Variants in ENTPD5 observed in about 807,000 individuals in gnomAD.
ENTPD5 encodes the protein nucleoside diphosphate phosphatase ENTPD5.
Under a neutral mutation model 60.2 loss-of-function variants are expected in ENTPD5, and 49 were observed. The observed-to-expected ratio is 0.81, with a 90% CI of 0.65 to 1.03. The LOEUF is 1.03. ENTPD5 is among the 50% of genes least tolerant of loss of function. ENTPD5 has a pLI of 0.00. For missense variants in ENTPD5, 480 were observed against 507.6 expected (o/e 0.95, Z 0.52); for synonymous variants, 187 against 185.4 (o/e 1.01, Z -0.07).
chr14:73,960,061 G>A, downstream of ENTPD5: 3 of 1,004,426 alleles, frequency 3.0e-6, no homozygotes, highest in South Asian at 4.2e-5. Flanking sequence ...TGCCTGGGTG[G>A]TGGTTAGCAT....
At chr14:73,977,159 G>C in intron 7 of ENTPD5, 100 bp from the exon 8 acceptor site, 2 of 1,283,884 alleles carry the variant, frequency 1.6e-6, no homozygotes, top group Middle Eastern at 1.9e-4. Flanking sequence ...TCCATGTCTA[G>C]AGCACATGTT....
downstream of ENTPD5, chr14:73,962,744 G>A (rs1257724723): frequency 1.8e-6 from 1 of 557,770 alleles, no homozygotes; most frequent in Non-Finnish European, 3.2e-6. Context: ...TTGAGCCTAG[G>A]AGTTTGAGGC....
rs994880901 is a variant in ENTPD5, at chr14:73,969,894, A to T, written c.1200+116T>A. ...AGCACAGTACCTTGTCCATAGCCCA[A>T]ACAAAAATACCTCATAATTTCACTT... On this transcript the variant is annotated intron_variant, in intron 15 of 15. Coordinates refer to ENST00000334696, the MANE Select transcript of ENTPD5 (RefSeq NM_001249.5). The T allele has an allele frequency of 1.2e-5, 9 of 749,940 alleles. No homozygotes were observed. In the South Asian group the frequency reaches 1.3e-4, roughly 11 times the overall value. The allele number at this position is 749,940 out of a possible 1,614,324, so 46.5% of individuals were successfully genotyped here. A position where few individuals can be genotyped will look rare whatever the true frequency, so the allele number is the denominator to read the frequency against.
chr14:74,004,310 G>A (rs1310344487), intron 3 of ENTPD5, among the ~76,000 whole-genome samples: 4 of 152,010 alleles, frequency 2.6e-5, no homozygotes, highest in Admixed American at 2.6e-4. Context: ...TGGGACTACA[G>A]GCACCCCCCA....
intron 5 of ENTPD5, among the ~76,000 whole-genome samples, chr14:73,985,439 T>C (rs2140612180): frequency 6.6e-6 from 1 of 152,320 alleles, no homozygotes; most frequent in South Asian, 2.1e-4. Flanking sequence ...CCATTCTAAC[T>C]GGTGTGAGAT....
intron 3 of ENTPD5, among the ~76,000 whole-genome samples, chr14:73,990,367 C>T (rs964480309): frequency 4.3e-5 from 6 of 139,162 alleles, no homozygotes; most frequent in Non-Finnish European, 8.3e-5. Flanking sequence ...CAGGGTCTCA[C>T]TCTGTCACCC....
At position 73,972,759 on chromosome 14, in the gene ENTPD5, C is replaced by T. The variant is rs531948876; in HGVS notation, c.1027+125G>A. 1.8e-5 allele frequency: 20 copies of T among 1,127,590 alleles called. No individual in the cohort carries two copies. The East Asian group carries it at 2.4e-4, about 14-fold the overall frequency. 69.8% of individuals were successfully genotyped at this position (1,127,590 alleles called of 1,614,324 possible). On this transcript the variant is annotated intron_variant, in intron 13 of 15. Coordinates refer to ENST00000334696, the MANE Select transcript of ENTPD5 (RefSeq NM_001249.5). ...TCTAAGTCATTTCCACCCTTTTGTT[C>T]GAGTGACTAGAAAAGAGGTGGGTAA...
At chr14:73,976,150 A>G in intron 9 of ENTPD5, 135 bp from the exon 10 acceptor site, 1 of 866,958 alleles carries the variant, frequency 1.2e-6, no homozygotes, top group Non-Finnish European at 1.8e-6. Context: ...AGGCTTGAGG[A>G]AACGAAGGGA....
chr14:73,970,045 C>G lies in ENTPD5; in HGVS notation c.1165G>C (p.Asp389His), dbSNP rs547206034. 6.2e-7 allele frequency: 1 copy of G among 1,613,916 alleles called. No homozygotes were observed. The highest frequency in any genetic ancestry group is 1.1e-5 in the South Asian group (1 of 91,076). ...GTGCTGTCTGCAAAGCCAAAGCCAT[C>G]CTTTAACAGGGCTGTGATGTAGCTG... ...DLSYITALLK[D>H]GFGFADSTVL... The change falls in exon 15 of 16, where the codon GAT (aspartate) becomes CAT (histidine). Residue 389 changes from aspartate (D) to histidine (H), a missense_variant. Transcript: ENST00000334696.
At chr14:73,961,806 C>T (rs776203781), downstream of ENTPD5, 10 of 1,614,094 alleles carry the variant, frequency 6.2e-6, no homozygotes, top group Non-Finnish European at 6.8e-6. Flanking sequence ...CTGGCTGCTA[C>T]AGACTTACTA....
chr14:74,011,721 ATG>A (rs1215342364), intron 2 of ENTPD5, among the ~76,000 whole-genome samples: 13 of 152,126 alleles, frequency 8.5e-5, no homozygotes, highest in Non-Finnish European at 1.8e-4. Context: ...TTGCTTGAAT[ATG>A]GGAAGTCGAG....
In ENTPD5 at chr14:73,973,942, G is replaced by A. The variant is rs1302178187; in HGVS notation, c.821C>T (p.Pro274Leu). Residue 274 changes from proline to leucine, a missense_variant, in exon 12 of 16, where the codon CCG becomes CTG. Transcript: ENST00000334696. Reference protein sequence around the residue: ...DGHTFRSACLPRWLEAEWIFG... With the variant: ...DGHTFRSACLLRWLEAEWIFG... ...GATCCACTCTGCTTCCAACCATCTC[G>A]GTAAACAGGCACTCCGGAAAGTGTG... 2.7e-5 allele frequency: 43 copies of A among 1,613,890 alleles called. No homozygotes were observed. The highest frequency in any genetic ancestry group is 3.3e-4 in the Middle Eastern group (2 of 6,084).
Position 73,967,010 on chromosome 14 carries a change from G to A in ENTPD5, c.1205C>T (p.Thr402Ile). Residue 402 changes from threonine (T) to isoleucine (I), a missense_variant, in exon 16 of 16, where the codon ACA becomes ATA. Coordinates refer to ENST00000334696, the MANE Select transcript of ENTPD5 (RefSeq NM_001249.5). ...GFADSTVLQLTKKVNNIETGW... is the reference protein window; with the variant it reads ...GFADSTVLQLIKKVNNIETGW... ...CGTCTCTATGTTGTTCACTTTCTTT[G>A]TGAGCTGTTGAGAAGAAAAAAAGTC... 2 of 1,613,924 alleles carry A rather than the reference G, an allele frequency of 1.2e-6. No individual in the cohort carries two copies. Among genetic ancestry groups the A allele is most frequent in the Middle Eastern group, 1.6e-4 (1 of 6,062 alleles).
intron 15 of ENTPD5, among the ~76,000 whole-genome samples, chr14:73,968,912 G>C (rs3784040): frequency 0.085 from 12,945 of 152,182 alleles, 913 homozygotes; most frequent in East Asian, 0.32. Context: ...CAGATGGAGA[G>C]AGACAGGAGG....
At chr14:73,983,894 T>A (rs907752611) in intron 5 of ENTPD5, among the ~76,000 whole-genome samples, 3 of 151,928 alleles carry the variant, frequency 2.0e-5, no homozygotes, top group African/African-American at 7.3e-5. Context: ...TGTCACCATC[T>A]TGGCCAGGCT....
intron 3 of ENTPD5, among the ~76,000 whole-genome samples, chr14:73,995,079 T>C (rs1594921181): frequency 6.6e-6 from 1 of 151,456 alleles, no homozygotes; most frequent in East Asian, 1.9e-4. Flanking sequence ...TACAGAGTCT[T>C]GCTCTATCAC....
intron 1 of ENTPD5, among the ~76,000 whole-genome samples, chr14:74,017,797 T>G (rs953590732): frequency 3.4e-5 from 5 of 145,954 alleles, no homozygotes; most frequent in Admixed American, 6.9e-5. Context: ...GGCAGGAGAA[T>G]TGCTTGAACC....
chr14:73,988,676 C>T (rs890149366), intron 3 of ENTPD5, among the ~76,000 whole-genome samples: 1 of 152,180 alleles, frequency 6.6e-6, no homozygotes, highest in Non-Finnish European at 1.5e-5. Context: ...CTCCACACCC[C>T]ACTAGCCTTC....
At chr14:73,976,112 G>A in intron 9 of ENTPD5, 97 bp from the exon 10 acceptor site, 1 of 1,064,274 alleles carries the variant, frequency 9.4e-7, no homozygotes, top group Admixed American at 1.9e-5. Context: ...AATCAGAGAT[G>A]AAGACAGATT....
Sources: allele counts gnomAD v4.1 joint callset (sites outside exome capture counted in the v4.1 genomes callset), GRCh38; gene constraint gnomAD v4.1.1; transcripts MANE v1.5; gene names NCBI Gene and HGNC (gene_info 2026-07-23, HGNC 2026-07-21).